The following MACROD2 variants were observed in gnomAD, a reference collection of about 807,000 sequenced individuals.
The protein encoded by MACROD2 is ADP-ribose glycohydrolase MACROD2.
MACROD2 carries 36 observed loss-of-function variants against 70.4 expected under a neutral mutation model. That is an observed-to-expected ratio of 0.51 (90% confidence interval 0.39 to 0.68). The LOEUF (loss-of-function observed/expected upper bound fraction) is 0.68. MACROD2 is among the 30% of genes least tolerant of loss of function. The pLI, the probability that MACROD2 is intolerant of heterozygous loss-of-function variation, is 0.00. For missense variants in MACROD2, 496 were observed against 538.4 expected (o/e 0.92, Z 0.78); for synonymous variants, 172 against 178.8 (o/e 0.96, Z 0.30).
chr20:14,901,560 A>T (rs1165924858), intron 5 of MACROD2, among the ~76,000 whole-genome samples: 3 of 152,030 alleles, frequency 2.0e-5, no homozygotes, highest in Admixed American at 6.6e-5. Context: ...AATTTCATGA[A>T]TTTTTTTCCA....
intron 5 of MACROD2, among the ~76,000 whole-genome samples, chr20:15,015,980 A>G (rs570003862): frequency 1.8e-4 from 27 of 152,300 alleles, no homozygotes; most frequent in African/African-American, 5.1e-4. Flanking sequence ...ACCATTTTCT[A>G]TTTGACAGAA....
chr20:15,993,319 C>T (rs956687307), intron 15 of MACROD2, among the ~76,000 whole-genome samples: 16 of 150,430 alleles, frequency 1.1e-4, no homozygotes, highest in African/African-American at 3.4e-4. Flanking sequence ...AACAACAGAT[C>T]GTATATGTCC....
At chr20:14,320,137 C>T (rs1349238739) in intron 3 of MACROD2, among the ~76,000 whole-genome samples, 1 of 152,186 alleles carries the variant, frequency 6.6e-6, no homozygotes, top group Non-Finnish European at 1.5e-5. Flanking sequence ...CCAACATTTA[C>T]AAAATACTCT....
chr20:15,536,748 T>C (rs2047880084), intron 8 of MACROD2, among the ~76,000 whole-genome samples: 1 of 152,202 alleles, frequency 6.6e-6, no homozygotes. Flanking sequence ...TCGGTGCGTT[T>C]CTGGTGGTTC....
chr20:15,101,523 A>T (rs1030795604), intron 5 of MACROD2, among the ~76,000 whole-genome samples: 4 of 72,592 alleles, frequency 5.5e-5, no homozygotes, highest in African/African-American at 1.8e-4. Context: ...CAGATAACCC[A>T]GGTGTTGGTT....
At chr20:15,327,641 A>T (rs924664569) in intron 6 of MACROD2, among the ~76,000 whole-genome samples, 1 of 152,034 alleles carries the variant, frequency 6.6e-6, no homozygotes, top group East Asian at 1.9e-4. Context: ...ATTACCTCCC[A>T]CAACACATGG....
intron 8 of MACROD2, among the ~76,000 whole-genome samples, chr20:15,793,949 T>A (rs6135524): frequency 0.46 from 68,323 of 147,258 alleles, 16,383 homozygotes; most frequent in African/African-American, 0.59. Flanking sequence ...TAAAAGATAT[T>A]TTATATATAA....
intron 5 of MACROD2, among the ~76,000 whole-genome samples, chr20:14,703,837 C>T (rs1181089574): frequency 6.6e-6 from 1 of 152,128 alleles, no homozygotes; most frequent in Non-Finnish European, 1.5e-5. Context: ...AGAGATTCTC[C>T]TGCCTCAGCC....
intron 3 of MACROD2, among the ~76,000 whole-genome samples, chr20:14,161,755 A>C (rs1261628428): frequency 6.6e-6 from 1 of 151,546 alleles, no homozygotes; most frequent in Non-Finnish European, 1.5e-5. Context: ...CGTTATTTAT[A>C]GTCTTTGTTT....
chr20:15,363,948 T>C (rs1000679222), intron 6 of MACROD2, among the ~76,000 whole-genome samples: 2 of 152,180 alleles, frequency 1.3e-5, no homozygotes, highest in Non-Finnish European at 2.9e-5. Flanking sequence ...TACGTTTTTA[T>C]TGTCTGATTT....
intron 8 of MACROD2, among the ~76,000 whole-genome samples, chr20:15,577,765 A>G (rs2048469462): frequency 6.6e-6 from 1 of 152,182 alleles, no homozygotes; most frequent in East Asian, 1.9e-4. Context: ...ACATCTTTTC[A>G]TAAGAGTACA....
At chr20:15,965,411 T>C (rs968409028) in intron 12 of MACROD2, among the ~76,000 whole-genome samples, 5 of 152,128 alleles carry the variant, frequency 3.3e-5, no homozygotes, top group African/African-American at 1.2e-4. Context: ...TAAATCACCA[T>C]TGAGGAGACG....
intron 5 of MACROD2, among the ~76,000 whole-genome samples, chr20:15,040,247 G>A (rs773646350): frequency 9.9e-5 from 15 of 151,748 alleles, no homozygotes; most frequent in Admixed American, 3.3e-4. Flanking sequence ...CCCAGGAGGC[G>A]GAGCTTGCAG....
chr20:15,714,910 T>C (rs138187259), intron 8 of MACROD2, among the ~76,000 whole-genome samples: 45 of 152,208 alleles, frequency 3.0e-4, no homozygotes, highest in African/African-American at 1.1e-3. Context: ...TTGTTTAAAG[T>C]TCCCCAGTTT....
intron 3 of MACROD2, among the ~76,000 whole-genome samples, chr20:14,111,750 C>T (rs1023692815): frequency 1.3e-5 from 2 of 151,964 alleles, no homozygotes; most frequent in Admixed American, 6.6e-5. Flanking sequence ...AACCTTTGTA[C>T]ACTGTTGATG....
intron 6 of MACROD2, among the ~76,000 whole-genome samples, chr20:15,335,344 C>T (rs926133574): frequency 6.6e-6 from 1 of 151,686 alleles, no homozygotes; most frequent in Non-Finnish European, 1.5e-5. Flanking sequence ...CATGCTCTTA[C>T]TAGGTCATTC....
At chr20:14,455,119 G>A (rs369459079) in intron 3 of MACROD2, among the ~76,000 whole-genome samples, 7 of 151,820 alleles carry the variant, frequency 4.6e-5, no homozygotes, top group East Asian at 1.9e-4. Context: ...ATATGACTTC[G>A]CTCTGTACTC....
intron 4 of MACROD2, among the ~76,000 whole-genome samples, chr20:14,634,010 A>G (rs1159120364): frequency 6.6e-6 from 1 of 152,136 alleles, no homozygotes; most frequent in Non-Finnish European, 1.5e-5. Context: ...TTTATTTTGT[A>G]GCGTTATTTC....
chr20:14,746,946 C>G (rs1406858398), intron 5 of MACROD2, among the ~76,000 whole-genome samples: 1 of 152,080 alleles, frequency 6.6e-6, no homozygotes, highest in Non-Finnish European at 1.5e-5. Context: ...GTTCCAAAAA[C>G]TCATTTGTTA....
Sources: allele counts gnomAD v4.1 joint callset (sites outside exome capture counted in the v4.1 genomes callset), GRCh38; gene constraint gnomAD v4.1.1; transcripts MANE v1.5; gene names NCBI Gene and HGNC (gene_info 2026-07-23, HGNC 2026-07-21).